LAMB4: variants seen among roughly 807,000 people sequenced by gnomAD.
The protein encoded by LAMB4 is laminin subunit beta 4.
LAMB4 carries 196 observed loss-of-function variants against 199.2 expected under a neutral mutation model. That is an observed-to-expected ratio of 0.98 (90% CI 0.88 to 1.11). The LOEUF (loss-of-function observed/expected upper bound fraction) is 1.11, where lower values mean the gene tolerates loss of function less well. Among genes scored for constraint, LAMB4 ranks in the 50% least tolerant of loss-of-function variants. The pLI is 0.00. For missense variants in LAMB4, 2,080 were observed against 2,171.2 expected (o/e 0.96, Z 0.83); for synonymous variants, 744 against 770.6 (o/e 0.97, Z 0.57).
In LAMB4 at chr7:108,023,992, A is replaced by C; in HGVS notation, c.*47T>G. On this transcript the variant is annotated 3_prime_UTR_variant, in exon 34 of 34. Coordinates refer to ENST00000388781, the MANE Select transcript of LAMB4 (RefSeq NM_007356.3). ...TCAACAGAGCCCCAGGGGCTTGTAC[A>C]TCAGAAACCAGAAACAAAGGCACAA... 6.5e-7 allele frequency: 1 copy of C among 1,543,666 alleles called. No homozygotes were observed.
chr7:108,022,470 CTG>C (rs1314928348), downstream of LAMB4, among the ~76,000 whole-genome samples: 1 of 152,236 alleles, frequency 6.6e-6, no homozygotes, highest in Non-Finnish European at 1.5e-5. Flanking sequence ...TAAAGAGACA[CTG>C]TTTCACTGAA....
intron 32 of LAMB4, 34 bp from the exon 33 acceptor site, chr7:108,029,230 A>C (rs746649758): frequency 1.9e-6 from 3 of 1,594,344 alleles, no homozygotes; most frequent in Non-Finnish European, 2.6e-6. Flanking sequence ...ATGAGAAAAT[A>C]TGTATAAAGC....
chr7:108,053,223 A>G (rs2035880247), intron 25 of LAMB4, among the ~76,000 whole-genome samples: 2 of 152,222 alleles, frequency 1.3e-5, no homozygotes, highest in Non-Finnish European at 2.9e-5. Flanking sequence ...CTCTCTTTTG[A>G]TGAAGCAATT....
At chr7:108,069,251 C>T (rs1189642138) in intron 18 of LAMB4, among the ~76,000 whole-genome samples, 1 of 152,218 alleles carries the variant, frequency 6.6e-6, no homozygotes, top group Non-Finnish European at 1.5e-5. Context: ...AGGGCTGCTG[C>T]TAAACACCTG....
At position 108,063,978 on chromosome 7, in the gene LAMB4, C is replaced by T. The variant is rs1348185370; in HGVS notation, c.2844G>A (p.Gln948=). The T allele has an allele frequency of 6.2e-7, 1 of 1,612,506 alleles. No individual in the cohort carries two copies. Among genetic ancestry groups the T allele is most frequent in the South Asian group, 1.1e-5 (1 of 91,038 alleles). Residue 948 remains glutamine (Q), a synonymous_variant, in exon 22 of 34, where the codon CAG becomes CAA. Transcript: ENST00000388781. The part of the protein sequence containing the change: ...CNCLQGYTGT[Q]CGECSTGFYG... ...AGAAACCAGTAGAGCATTCTCCACA[C>T]TGAGTACCTGAAAGAAAGTGGGAGG...
chr7:108,106,096 G>C, intron 7 of LAMB4, 65 bp from the exon 8 acceptor site: 2 of 1,190,116 alleles, frequency 1.7e-6, no homozygotes, highest in South Asian at 2.5e-5. Context: ...GACTCTTCTT[G>C]ACTGATATAC....
chr7:108,034,315 TG>T lies in LAMB4; in HGVS notation c.4710del (p.Asp1570GlufsTer4). 1 of 1,611,636 alleles carries T rather than the reference TG, an allele frequency of 6.2e-7. No individual in the cohort carries two copies. Among genetic ancestry groups the T allele is most frequent in the Middle Eastern group, 1.7e-4 (1 of 6,058 alleles). The stretch of plus-strand genomic sequence containing the variant: ...GCTTGTTGTAACTGGTTCAATGTTT[TG>T]TCAAGATTTAATAGAATATTTGCTG... ...EKAANILLNLDKTLNQLQQAQ... is the reference protein window; with the variant it reads ...EKAANILLNLXKTLNQLQQAQ... On this transcript the variant is annotated frameshift_variant, in exon 31 of 34. Transcript: ENST00000388781. LOFTEE classifies it high-confidence loss of function.
chr7:108,111,727 G>C (rs2038230835), intron 4 of LAMB4, 84 bp downstream of exon 4: 16 of 1,213,032 alleles, frequency 1.3e-5, no homozygotes, highest in Non-Finnish European at 1.9e-5. Context: ...ACTTTGCTGT[G>C]ACATTATTAA....
chr7:108,129,368 T>C (rs1225109790), intron 1 of LAMB4, among the ~76,000 whole-genome samples: 1 of 152,202 alleles, frequency 6.6e-6, no homozygotes, highest in Non-Finnish European at 1.5e-5. Flanking sequence ...CTTAAGACTT[T>C]TTCTGGTACA....
chr7:108,052,927 G>A (rs1425468326), intron 25 of LAMB4, among the ~76,000 whole-genome samples: 1 of 152,148 alleles, frequency 6.6e-6, no homozygotes, highest in Non-Finnish European at 1.5e-5. Context: ...AAATCTTGAA[G>A]TGTACAGTTG....
chr7:108,116,157 C>A lies in LAMB4; in HGVS notation c.39G>T (p.Trp13Cys), dbSNP rs768540408. ...FQLTLFLHLG[W>C]LSYSKAQDDC... is the part of the protein sequence containing the mutation. ...CATCTTGAGCTTTTGAGTAACTGAG[C>A]CACCCTTGAACACAACAGAAATAGC... The change falls in exon 3 of 34, where the codon TGG (tryptophan) becomes TGT (cysteine). Residue 13 changes from tryptophan (W) to cysteine (C), a missense_variant. By Grantham distance (215) the Trp-to-Cys change is radical. Coordinates refer to ENST00000388781, the MANE Select transcript of LAMB4 (RefSeq NM_007356.3). 3 of 1,613,254 alleles carry A rather than the reference C, an allele frequency of 1.9e-6. No individual in the cohort carries two copies. Among genetic ancestry groups the A allele is most frequent in the East Asian group, 2.2e-5 (1 of 44,884 alleles).
chr7:108,026,684 C>A lies in LAMB4; in HGVS notation c.5146+2359G>T, dbSNP rs371482452. ...GCATGCTTTCTGTTTCTTGCTGGGACCCCGACTGACACCAAGTTCTGTGGA... is the reference window on the plus strand; with the variant it reads ...GCATGCTTTCTGTTTCTTGCTGGGAACCCGACTGACACCAAGTTCTGTGGA... On this transcript the variant is annotated intron_variant, in intron 33 of 33. Coordinates refer to ENST00000388781, the MANE Select transcript of LAMB4 (RefSeq NM_007356.3). The A allele has an allele frequency of 4.5e-5, 11 of 241,798 alleles. No individual in the cohort carries two copies. In the East Asian group the frequency reaches 9.8e-4, roughly 22 times the overall value. The allele number at this position is 241,798 out of a possible 1,614,324, so 15.0% of individuals were successfully genotyped here.
rs1167336721 is a variant in LAMB4 at position 108,068,159 on chromosome 7, G to A, written c.2303C>T (p.Ala768Val). ...TGAGCCCTGGGGGTGACACTTGCAGGCTGCAAGGAACAATGGAAGGGAGGT... is the reference window on the plus strand; with the variant it reads ...TGAGCCCTGGGGGTGACACTTGCAGACTGCAAGGAACAATGGAAGGGAGGT... ...MSAKLHDGAVACKCHPQGSVG... is the reference protein window; with the variant it reads ...MSAKLHDGAVVCKCHPQGSVG... The change falls in exon 19 of 34, where the codon GCC (alanine) becomes GTC (valine). Residue 768 changes from alanine to valine, a missense_variant and splice_region_variant. By Grantham distance (64) the Ala-to-Val change is moderately conservative. Coordinates refer to ENST00000388781, the MANE Select transcript of LAMB4 (RefSeq NM_007356.3). 9.3e-6 allele frequency: 15 copies of A among 1,614,018 alleles called. No homozygotes were observed. The highest frequency in any genetic ancestry group is 1.3e-5 in the Non-Finnish European group (15 of 1,179,988).
intron 32 of LAMB4, among the ~76,000 whole-genome samples, chr7:108,030,107 ACT>A (rs2034976906): frequency 6.9e-6 from 1 of 145,054 alleles, no homozygotes; most frequent in Admixed American, 7.0e-5. Context: ...ACAGAGAGAG[ACT>A]CTGTCTCACA....
chr7:108,098,715 C>T, intron 10 of LAMB4, 133 bp from the exon 11 acceptor site: 1 of 695,402 alleles, frequency 1.4e-6, no homozygotes, highest in Non-Finnish European at 2.2e-6. Flanking sequence ...AATTAGACCA[C>T]CTGGCAAGAG....
intron 22 of LAMB4, among the ~76,000 whole-genome samples, chr7:108,063,426 A>G (rs2036232933): frequency 6.6e-6 from 1 of 152,178 alleles, no homozygotes; most frequent in African/African-American, 2.4e-5. Flanking sequence ...GCATGTTAAT[A>G]CACCTCACCT....
At chr7:108,069,051 C>T (rs1486458644) in intron 18 of LAMB4, among the ~76,000 whole-genome samples, 2 of 152,180 alleles carry the variant, frequency 1.3e-5, no homozygotes, top group Admixed American at 6.5e-5. Context: ...ACCCTGAACT[C>T]ATAGCTCTGT....
At chr7:108,101,042 C>T (rs2037797278) in intron 10 of LAMB4, among the ~76,000 whole-genome samples, 1 of 152,166 alleles carries the variant, frequency 6.6e-6, no homozygotes, top group South Asian at 2.1e-4. Context: ...CAGTGAATTA[C>T]ACTGTATAAG....
intron 5 of LAMB4, 21 bp from the exon 6 acceptor site, chr7:108,107,840 T>G: frequency 3.2e-6 from 5 of 1,542,366 alleles, no homozygotes; most frequent in Non-Finnish European, 4.4e-6. Context: ...TGAGTAAAAG[T>G]TGGCACATTT....
Sources: gnomAD v4.1 joint callset for allele counts (sites outside exome capture counted in the v4.1 genomes callset) on GRCh38, gnomAD v4.1.1 for gene constraint, MANE v1.5 for transcripts, NCBI Gene and HGNC (gene_info 2026-07-23, HGNC 2026-07-21) for gene names.